MAF: variants seen among roughly 807,000 people sequenced by gnomAD.
MAF encodes MAF bZIP transcription factor, also known as transcription factor Maf.
In MAF, 10 loss-of-function variants were observed where a neutral mutation model predicts 22.0. The ratio of observed to expected loss-of-function variants is 0.45; its 90% confidence interval spans 0.28 to 0.77. The LOEUF (loss-of-function observed/expected upper bound fraction) is 0.77. Ranked by LOEUF, MAF falls within the 30% of genes least tolerant of loss-of-function variation. MAF has a pLI of 0.12. For missense variants in MAF, 544 were observed against 548.4 expected (o/e 0.99, Z 0.08); for synonymous variants, 337 against 255.8 (o/e 1.32, Z -3.03).
At chr16:79,313,656 C>T in the MAF span, among the ~76,000 whole-genome samples, 36 of 152,280 alleles carry the variant, frequency 2.4e-4, no homozygotes, top group Non-Finnish European at 4.6e-4. Flanking sequence ...TTAGCATCCC[C>T]CAAGGCCTTG....
chr16:79,556,812 G>A, the MAF span, among the ~76,000 whole-genome samples: 3 of 152,122 alleles, frequency 2.0e-5, no homozygotes, highest in Non-Finnish European at 4.4e-5. Flanking sequence ...TCTGAACAAT[G>A]AGGATAATTA....
At chr16:79,342,974 GT>G in the MAF span, among the ~76,000 whole-genome samples, 1 of 152,092 alleles carries the variant, frequency 6.6e-6, no homozygotes, top group Admixed American at 6.6e-5. Context: ...TTCTCTGGTA[GT>G]TTTTTTCATC....
chr16:79,370,236 G>A, the MAF span, among the ~76,000 whole-genome samples: 7,112 of 152,250 alleles, frequency 0.047, 536 homozygotes, highest in African/African-American at 0.16. Flanking sequence ...ACATTCAAAG[G>A]TAATTGGTTT....
At chr16:79,281,814 A>T in the MAF span, among the ~76,000 whole-genome samples, 28 of 152,138 alleles carry the variant, frequency 1.8e-4, 1 homozygote, top group Middle Eastern at 6.8e-3. Context: ...TAAAGTGCTC[A>T]TCGGAAAATC....
chr16:79,392,683 G>A, the MAF span, among the ~76,000 whole-genome samples: 1 of 152,150 alleles, frequency 6.6e-6, no homozygotes, highest in African/African-American at 2.4e-5. Flanking sequence ...GTTAGGAAGA[G>A]GGTGAGACTT....
At chr16:79,338,010 G>A in the MAF span, among the ~76,000 whole-genome samples, 32 of 152,298 alleles carry the variant, frequency 2.1e-4, no homozygotes, top group African/African-American at 7.0e-4. Flanking sequence ...CCTGTGCTAG[G>A]CACTTGGGAG....
the MAF span, among the ~76,000 whole-genome samples, chr16:79,322,158 A>T: frequency 3.3e-5 from 5 of 152,132 alleles, no homozygotes; most frequent in Non-Finnish European, 7.4e-5. Flanking sequence ...CTTTAATCCC[A>T]GGAGGCGGAG....
At chr16:79,400,440 A>C in the MAF span, among the ~76,000 whole-genome samples, 1 of 152,242 alleles carries the variant, frequency 6.6e-6, no homozygotes, top group Admixed American at 6.5e-5. Flanking sequence ...AAGATTTAGT[A>C]AACTACGCCC....
chr16:79,299,022 C>G, the MAF span, among the ~76,000 whole-genome samples: 1 of 152,256 alleles, frequency 6.6e-6, no homozygotes, highest in African/African-American at 2.4e-5. Flanking sequence ...CTTCTTTGGG[C>G]ACCTTGTGGT....
the MAF span, among the ~76,000 whole-genome samples, chr16:79,577,596 C>T: frequency 1.8e-4 from 28 of 152,218 alleles, no homozygotes; most frequent in Admixed American, 9.8e-4. Flanking sequence ...GGCAGGGCTT[C>T]GGGAACATCA....
At chr16:79,203,245 C>G in the MAF span, 2 of 152,164 alleles carry the variant, frequency 1.3e-5, no homozygotes, top group African/African-American at 4.8e-5. Flanking sequence ...ACACTCTCCA[C>G]AGTATGTTCT....
the MAF span, among the ~76,000 whole-genome samples, chr16:79,296,923 G>A: frequency 2.0e-5 from 3 of 152,152 alleles, no homozygotes; most frequent in Non-Finnish European, 2.9e-5. Context: ...CTCTGTGCGG[G>A]CACAAAACTT....
the MAF span, among the ~76,000 whole-genome samples, chr16:79,331,301 G>A: frequency 2.5e-3 from 374 of 152,280 alleles, 2 homozygotes; most frequent in African/African-American, 8.7e-3. Flanking sequence ...GAAGACTTGG[G>A]GTGAGGAACG....
At chr16:79,282,157 C>T in the MAF span, among the ~76,000 whole-genome samples, 1 of 152,068 alleles carries the variant, frequency 6.6e-6, no homozygotes, top group Non-Finnish European at 1.5e-5. Flanking sequence ...AAAAATTAGC[C>T]TAGTGCCATG....
At chr16:79,498,109 T>C in the MAF span, among the ~76,000 whole-genome samples, 1 of 152,194 alleles carries the variant, frequency 6.6e-6, no homozygotes, top group African/African-American at 2.4e-5. Flanking sequence ...TTTGCAGAAA[T>C]CATCATTAAA....
At chr16:79,416,019 C>T in the MAF span, among the ~76,000 whole-genome samples, 5 of 152,128 alleles carry the variant, frequency 3.3e-5, no homozygotes, top group African/African-American at 4.8e-5. Context: ...TAGCAAAGTG[C>T]CGTGTGTCTG....
At chr16:79,562,015 C>G in the MAF span, among the ~76,000 whole-genome samples, 1 of 152,170 alleles carries the variant, frequency 6.6e-6, no homozygotes, top group Non-Finnish European at 1.5e-5. Context: ...TGTTTGCAAG[C>G]TCAAAACCAC....
At chr16:79,495,037 G>T in the MAF span, among the ~76,000 whole-genome samples, 1 of 152,092 alleles carries the variant, frequency 6.6e-6, no homozygotes, top group East Asian at 1.9e-4. Flanking sequence ...CTCTCCAGGC[G>T]TGTCACCCCC....
the MAF span, among the ~76,000 whole-genome samples, chr16:79,208,574 T>C: frequency 6.6e-6 from 1 of 152,158 alleles, no homozygotes; most frequent in South Asian, 2.1e-4. Context: ...TATGAACTGA[T>C]GCCCCAAAAG....
Sources: gnomAD v4.1 joint callset for allele counts (sites outside exome capture counted in the v4.1 genomes callset) on GRCh38, gnomAD v4.1.1 for gene constraint, MANE v1.5 for transcripts, NCBI Gene and HGNC (gene_info 2026-07-23, HGNC 2026-07-21) for gene names.